CPNE8: variants seen among roughly 807,000 people sequenced by gnomAD.
CPNE8 encodes copine-8.
Under a neutral mutation model 81.5 loss-of-function variants are expected in CPNE8, and 45 were observed. The observed-to-expected ratio is 0.55, with a 90% CI of 0.44 to 0.71. The LOEUF (loss-of-function observed/expected upper bound fraction) is 0.71, where lower values mean the gene tolerates loss of function less well. CPNE8 is among the 30% of genes least tolerant of loss of function. CPNE8 has a pLI of 0.00. For missense variants in CPNE8, 594 were observed against 672.1 expected, an observed-to-expected ratio of 0.88 and a Z score of 1.28; for synonymous variants, 252 against 226.3, an observed-to-expected ratio of 1.11 and a Z score of -1.02.
At chr12:38,699,146 C>T (rs1403355082) in intron 14 of CPNE8, among the ~76,000 whole-genome samples, 1 of 152,066 alleles carries the variant, frequency 6.6e-6, no homozygotes, top group Non-Finnish European at 1.5e-5. Flanking sequence ...ACAATGTTTT[C>T]TTCAAAAAAT....
At chr12:38,785,968 C>T (rs937158798) in intron 6 of CPNE8, among the ~76,000 whole-genome samples, 1 of 151,510 alleles carries the variant, frequency 6.6e-6, no homozygotes, top group Non-Finnish European at 1.5e-5. Flanking sequence ...AGAAAATCAC[C>T]TTCAACAAAT....
intron 7 of CPNE8, among the ~76,000 whole-genome samples, chr12:38,770,119 A>C (rs962901985): frequency 6.6e-6 from 1 of 152,170 alleles, no homozygotes; most frequent in Admixed American, 6.5e-5. Context: ...ACCTCTCTTT[A>C]ATACTCCACA....
chr12:38,876,235 C>T (rs1267783185), intron 1 of CPNE8, among the ~76,000 whole-genome samples: 6 of 151,566 alleles, frequency 4.0e-5, no homozygotes, highest in African/African-American at 9.7e-5. Flanking sequence ...TTTTTTGAGA[C>T]GAACTTTCAC....
intron 13 of CPNE8, among the ~76,000 whole-genome samples, chr12:38,711,337 T>C (rs1014203694): frequency 1.3e-5 from 2 of 152,214 alleles, no homozygotes; most frequent in Admixed American, 1.3e-4. Context: ...CGATGAGGCA[T>C]ACCTGAAGAG....
At chr12:38,655,034 G>A (rs2136627930) in intron 19 of CPNE8, among the ~76,000 whole-genome samples, 1 of 152,130 alleles carries the variant, frequency 6.6e-6, no homozygotes, top group East Asian at 1.9e-4. Flanking sequence ...TATTTGGGAA[G>A]ACAGGAAAAA....
chr12:38,655,157 T>C (rs534716502), intron 19 of CPNE8, among the ~76,000 whole-genome samples: 7 of 152,320 alleles, frequency 4.6e-5, no homozygotes, highest in African/African-American at 1.7e-4. Flanking sequence ...TTGTGGTTTT[T>C]CAATGGCAAA....
At chr12:38,762,660 G>T (rs2136854413) in intron 8 of CPNE8, among the ~76,000 whole-genome samples, 1 of 152,070 alleles carries the variant, frequency 6.6e-6, no homozygotes, top group East Asian at 1.9e-4. Context: ...TAGCTGTGAA[G>T]AAAAAGAAAA....
chr12:38,695,907 C>A (rs144031561), intron 14 of CPNE8, among the ~76,000 whole-genome samples: 113 of 152,172 alleles, frequency 7.4e-4, no homozygotes, highest in African/African-American at 2.6e-3. Flanking sequence ...TGTCACTGTA[C>A]TCCAGCCTGA....
chr12:38,905,687 GGCGGACCTCC>G, upstream of CPNE8: 1 of 1,461,410 alleles, frequency 6.8e-7, no homozygotes, highest in Admixed American at 2.3e-5. Context: ...GAAGGGAGGA[GGCGGACCTCC>G]GCGCAGAGCC....
intron 14 of CPNE8, among the ~76,000 whole-genome samples, chr12:38,702,072 G>A (rs1185907036): frequency 2.0e-5 from 3 of 152,012 alleles, no homozygotes; most frequent in East Asian, 1.9e-4. Flanking sequence ...TTTGTAAAAC[G>A]TGAATGATTG....
At chr12:38,740,381 C>A (rs959679107) in intron 10 of CPNE8, among the ~76,000 whole-genome samples, 1 of 152,052 alleles carries the variant, frequency 6.6e-6, no homozygotes, top group African/African-American at 2.4e-5. Context: ...TAATTGAATA[C>A]TGTTTCTTTC....
intron 3 of CPNE8, among the ~76,000 whole-genome samples, chr12:38,869,428 T>A (rs1415446777): frequency 6.6e-6 from 1 of 152,214 alleles, no homozygotes. Context: ...ATTTCTCATG[T>A]TACAAATGAG....
intron 8 of CPNE8, among the ~76,000 whole-genome samples, chr12:38,766,752 AC>A (rs1860366584): frequency 6.6e-6 from 1 of 152,110 alleles, no homozygotes; most frequent in Admixed American, 6.6e-5. Flanking sequence ...CTGATATATT[AC>A]ACATAGTTAA....
At chr12:38,855,624 T>G (rs148763489) in intron 3 of CPNE8, among the ~76,000 whole-genome samples, 35 of 152,180 alleles carry the variant, frequency 2.3e-4, no homozygotes, top group Non-Finnish European at 4.6e-4. Flanking sequence ...AAATTTCAGT[T>G]AGACAGGAGG....
chr12:38,759,122 C>T (rs968469927), intron 10 of CPNE8, among the ~76,000 whole-genome samples: 1 of 152,108 alleles, frequency 6.6e-6, no homozygotes, highest in Non-Finnish European at 1.5e-5. Flanking sequence ...TTAGAAATAA[C>T]TCCAAAAACA....
chr12:38,730,247 T>C lies in CPNE8; in HGVS notation c.798+36A>G, dbSNP rs763457735. 5 of 1,253,026 alleles carry C rather than the reference T, an allele frequency of 4.0e-6. No individual in the cohort carries two copies. The South Asian group carries it at 4.9e-5, about 12-fold the overall frequency. 77.6% of individuals were successfully genotyped at this position (1,253,026 alleles called of 1,614,324 possible). On this transcript the variant is annotated intron_variant, in intron 11 of 19. Coordinates refer to ENST00000331366, the MANE Select transcript of CPNE8 (RefSeq NM_153634.3). ...TTTTAAAGCACAGATTTATTTATTC[T>C]AGAAAAAAACAATGGTAAAATAAAA...
At chr12:38,792,070 T>C (rs1942338384) in intron 6 of CPNE8, among the ~76,000 whole-genome samples, 2 of 149,384 alleles carry the variant, frequency 1.3e-5, no homozygotes, top group Non-Finnish European at 3.0e-5. Context: ...ACCAAACTTA[T>C]GATATAGTGA....
At chr12:38,757,911 T>G (rs779808033) in intron 10 of CPNE8, among the ~76,000 whole-genome samples, 2 of 152,068 alleles carry the variant, frequency 1.3e-5, no homozygotes, top group Non-Finnish European at 2.9e-5. Flanking sequence ...AGACTTCTTT[T>G]GAACATGCTG....
chr12:38,822,993 G>T (rs1426976421), intron 6 of CPNE8, among the ~76,000 whole-genome samples: 1 of 143,652 alleles, frequency 7.0e-6, no homozygotes, highest in African/African-American at 2.4e-5. Flanking sequence ...CTAAAAACAT[G>T]CCCTGTTTTA....
Sources: allele counts gnomAD v4.1 joint callset (sites outside exome capture counted in the v4.1 genomes callset), GRCh38; gene constraint gnomAD v4.1.1; transcripts MANE v1.5; gene names NCBI Gene and HGNC (gene_info 2026-07-23, HGNC 2026-07-21).